The following TAFA4 variants were observed in gnomAD, a reference collection of about 807,000 sequenced individuals.
The protein encoded by TAFA4 is chemokine-like protein TAFA-4.
Under a neutral mutation model 21.1 loss-of-function variants are expected in TAFA4, and 20 were observed. The observed-to-expected ratio is 0.95, with a 90% CI of 0.67 to 1.38. The LOEUF is 1.38. TAFA4 is among the 40% of genes most tolerant of loss of function. The pLI is 0.00. For missense variants in TAFA4, 211 were observed against 180.9 expected, an observed-to-expected ratio of 1.17 and a Z score of -0.95; for synonymous variants, 71 against 67.4, an observed-to-expected ratio of 1.05 and a Z score of -0.26.
intron 3 of TAFA4, among the ~76,000 whole-genome samples, chr3:68,833,428 G>T (rs1704447755): frequency 1.3e-5 from 2 of 152,158 alleles, no homozygotes; most frequent in Non-Finnish European, 2.9e-5. Context: ...AATCTTCCAT[G>T]CATGAAAATG....
chr3:68,799,002 G>T (rs1038500254), intron 3 of TAFA4, among the ~76,000 whole-genome samples: 9 of 152,132 alleles, frequency 5.9e-5, no homozygotes, highest in Non-Finnish European at 1.2e-4. Context: ...TATGTTAAAA[G>T]AAAGACATAC....
intron 3 of TAFA4, among the ~76,000 whole-genome samples, chr3:68,814,566 G>T (rs573233656): frequency 6.6e-6 from 1 of 152,056 alleles, no homozygotes; most frequent in African/African-American, 2.4e-5. Flanking sequence ...ATTCACAATC[G>T]CCTCAAAGAG....
intron 3 of TAFA4, among the ~76,000 whole-genome samples, chr3:68,798,154 C>T (rs1703492653): frequency 6.6e-6 from 1 of 152,158 alleles, no homozygotes; most frequent in South Asian, 2.1e-4. Context: ...ATTCTTTCCT[C>T]TTTTATGATA....
At chr3:68,761,934 CCCTTAAATAAA>C (rs1702761963) in intron 3 of TAFA4, among the ~76,000 whole-genome samples, 1 of 152,050 alleles carries the variant, frequency 6.6e-6, no homozygotes, top group Non-Finnish European at 1.5e-5. Context: ...ATGGAGTCGT[CCCTTAAATAAA>C]CCAGAGAAAA....
intron 3 of TAFA4, among the ~76,000 whole-genome samples, chr3:68,831,756 G>A (rs1173646966): frequency 1.3e-5 from 2 of 152,088 alleles, no homozygotes; most frequent in Admixed American, 6.5e-5. Flanking sequence ...AAGTTCTCCT[G>A]GATAATATCC....
chr3:68,839,067 C>A (rs992602568), intron 3 of TAFA4, among the ~76,000 whole-genome samples: 2 of 152,220 alleles, frequency 1.3e-5, no homozygotes, highest in African/African-American at 2.4e-5. Flanking sequence ...CACTGCACTC[C>A]AGCCTGGGAG....
chr3:68,849,318 T>G (rs368759109), intron 3 of TAFA4, among the ~76,000 whole-genome samples: 1 of 152,194 alleles, frequency 6.6e-6, no homozygotes, highest in South Asian at 2.1e-4. Flanking sequence ...CTGTGAAAGT[T>G]TTCATTAATA....
At chr3:68,811,698 T>C (rs1055119548) in intron 3 of TAFA4, among the ~76,000 whole-genome samples, 4 of 152,242 alleles carry the variant, frequency 2.6e-5, no homozygotes, top group Admixed American at 1.3e-4. Flanking sequence ...CTATGTCTGA[T>C]TGGTGTATCT....
At chr3:68,863,028 G>T (rs1249540179) in intron 3 of TAFA4, among the ~76,000 whole-genome samples, 1 of 148,374 alleles carries the variant, frequency 6.7e-6, no homozygotes, top group African/African-American at 2.5e-5. Flanking sequence ...GAGAGCAGGA[G>T]TTCAAAACCA....
intron 3 of TAFA4, among the ~76,000 whole-genome samples, chr3:68,793,897 A>C (rs1301091625): frequency 4.6e-5 from 7 of 152,236 alleles, no homozygotes; most frequent in Non-Finnish European, 2.9e-5. Flanking sequence ...TTAATGGTGT[A>C]ATCAAAAAAT....
chr3:68,734,985 A>G (rs913592169), intron 5 of TAFA4, among the ~76,000 whole-genome samples: 1 of 152,136 alleles, frequency 6.6e-6, no homozygotes, highest in African/African-American at 2.4e-5. Flanking sequence ...CTTTAAAATT[A>G]TTATTGTACT....
chr3:68,931,345 G>C (rs554754882), intron 1 of TAFA4, among the ~76,000 whole-genome samples: 1 of 152,280 alleles, frequency 6.6e-6, no homozygotes, highest in Admixed American at 6.5e-5. Context: ...ACCCGTGCAT[G>C]TACATACTGC....
At chr3:68,880,688 T>C in intron 3 of TAFA4, 42 bp downstream of exon 3, 1 of 1,540,288 alleles carries the variant, frequency 6.5e-7, no homozygotes, top group Non-Finnish European at 9.0e-7. Context: ...TTTGGAGGGG[T>C]TTTATTATCT....
intron 3 of TAFA4, among the ~76,000 whole-genome samples, chr3:68,810,284 G>A (rs1222734952): frequency 6.6e-6 from 1 of 152,146 alleles, no homozygotes; most frequent in Non-Finnish European, 1.5e-5. Context: ...TTCCAACTGA[G>A]GTAATGGGTT....
intron 1 of TAFA4, among the ~76,000 whole-genome samples, chr3:68,917,753 C>CAAAAAAAAAA (rs55853026): frequency 0.035 from 2,028 of 57,952 alleles, 73 homozygotes; most frequent in Non-Finnish European, 0.052. Context: ...GACTCTGTCT[C>CAAAAAAAAAA]AAAAAAAAAA....
chr3:68,858,621 G>A (rs1052075880), intron 3 of TAFA4, among the ~76,000 whole-genome samples: 10 of 144,580 alleles, frequency 6.9e-5, no homozygotes, highest in African/African-American at 1.3e-4. Flanking sequence ...TCTTTAAGGC[G>A]TATGCATTCA....
At chr3:68,742,383 A>G (rs766180094) in intron 4 of TAFA4, among the ~76,000 whole-genome samples, 9 of 152,158 alleles carry the variant, frequency 5.9e-5, no homozygotes, top group Non-Finnish European at 1.0e-4. Context: ...AGTCTTATAT[A>G]TAGGAAGCCC....
intron 5 of TAFA4, among the ~76,000 whole-genome samples, chr3:68,733,788 T>C (rs1356157800): frequency 6.6e-6 from 1 of 152,160 alleles, no homozygotes; most frequent in Non-Finnish European, 1.5e-5. Context: ...CAAAAATATT[T>C]TTTCAAAGCA....
intron 3 of TAFA4, among the ~76,000 whole-genome samples, chr3:68,831,046 T>A (rs1262669659): frequency 6.6e-6 from 1 of 152,238 alleles, no homozygotes; most frequent in Non-Finnish European, 1.5e-5. Context: ...GCTTGGTAGA[T>A]CTTCCTCCAC....
Sources: gnomAD v4.1 joint callset for allele counts (sites outside exome capture counted in the v4.1 genomes callset) on GRCh38, gnomAD v4.1.1 for gene constraint, MANE v1.5 for transcripts, NCBI Gene and HGNC (gene_info 2026-07-23, HGNC 2026-07-21) for gene names.